Variants in FHIT observed in about 807,000 individuals in gnomAD.
FHIT encodes the protein fragile histidine triad diadenosine triphosphatase, also known as bis(5'-adenosyl)-triphosphatase.
In FHIT, 19 loss-of-function variants were observed where a neutral mutation model predicts 17.9. The observed-to-expected ratio is 1.06, with a 90% CI of 0.74 to 1.56. FHIT has a LOEUF of 1.56. FHIT is among the 40% of genes most tolerant of loss of function. The probability of loss-of-function intolerance (pLI) is 0.00; values close to 1 mark genes in which losing one functional copy is unlikely to be tolerated. For missense variants in FHIT, 248 were observed against 189.2 expected (o/e 1.31, Z -1.82); for synonymous variants, 81 against 69.7 (o/e 1.16, Z -0.81).
At chr3:59,821,700 C>G (rs527258404) in intron 8 of FHIT, among the ~76,000 whole-genome samples, 40 of 152,252 alleles carry the variant, frequency 2.6e-4, no homozygotes, top group African/African-American at 9.1e-4. Context: ...ACCAAAGCAT[C>G]TAGTGCCAAG....
At chr3:60,163,843 T>C (rs1345261938) in intron 5 of FHIT, among the ~76,000 whole-genome samples, 2 of 152,170 alleles carry the variant, frequency 1.3e-5, no homozygotes, top group Non-Finnish European at 2.9e-5. Flanking sequence ...AAATCACTCC[T>C]AGTTGGGAAA....
intron 1 of FHIT, among the ~76,000 whole-genome samples, chr3:61,245,625 T>C (rs985203155): frequency 6.6e-6 from 1 of 152,202 alleles, no homozygotes; most frequent in South Asian, 2.1e-4. Flanking sequence ...TACATGCTTA[T>C]CCCACATCAA....
At chr3:60,514,366 C>A (rs1318284847) in intron 5 of FHIT, among the ~76,000 whole-genome samples, 1 of 152,218 alleles carries the variant, frequency 6.6e-6, no homozygotes, top group Non-Finnish European at 1.5e-5. Flanking sequence ...CACTCCGGTT[C>A]CCACACCCGT....
At chr3:60,333,829 A>G (rs1364953711) in intron 5 of FHIT, among the ~76,000 whole-genome samples, 1 of 152,188 alleles carries the variant, frequency 6.6e-6, no homozygotes, top group Admixed American at 6.5e-5. Flanking sequence ...CAAGGAGCTG[A>G]AACTCACCAG....
intron 5 of FHIT, among the ~76,000 whole-genome samples, chr3:60,358,165 C>G (rs1699753342): frequency 6.6e-6 from 1 of 152,210 alleles, no homozygotes; most frequent in African/African-American, 2.4e-5. Flanking sequence ...GCTTGGTATT[C>G]TTCACTGCAC....
rs888623815 is a variant in FHIT at position 61,203,733 on chromosome 3, G to A, written c.-212-3068C>T. On this transcript the variant is annotated intron_variant, in intron 1 of 9. Transcript: ENST00000492590. The stretch of plus-strand genomic sequence containing the variant: ...TATCACAATCATATGGAATAAAGAA[G>A]GGGGTAATAAATTGTTTACAAGGAG... Among the ~76,000 whole-genome samples, 8 of 152,286 alleles carry A rather than the reference G, an allele frequency of 5.3e-5. No homozygotes were observed. In the East Asian group the frequency reaches 1.5e-3, roughly 29 times the overall value.
chr3:59,997,400 T>C (rs1699557947), intron 7 of FHIT, among the ~76,000 whole-genome samples: 1 of 151,906 alleles, frequency 6.6e-6, no homozygotes, highest in Admixed American at 6.6e-5. Context: ...TTCACAATAA[T>C]AAAAAGAAAG....
In FHIT at chr3:59,878,517, C is replaced by T. The variant is rs73100627; in HGVS notation, c.348+43829G>A. The stretch of plus-strand genomic sequence containing the variant: ...GTCAGAAGCCCATTTCTGACTCTCA[C>T]GCATTGTAAAGAAATGCTGACCCCA... On this transcript the variant is annotated intron_variant, in intron 8 of 9. Coordinates refer to ENST00000492590, the MANE Select transcript of FHIT (RefSeq NM_002012.4). Among the ~76,000 whole-genome samples the T allele has an allele frequency of 6.5e-3, 993 of 152,234 alleles. 12 individuals carry two copies. The highest frequency in any genetic ancestry group is 0.023 in the African/African-American group (962 of 41,524).
At chr3:59,752,104 G>A (rs1700942893) in intron 9 of FHIT, 117 bp downstream of exon 9, 1 of 668,184 alleles carries the variant, frequency 1.5e-6, no homozygotes, top group South Asian at 2.0e-5. Context: ...TTTGTCCTTT[G>A]CAGCCACCAC....
intron 5 of FHIT, among the ~76,000 whole-genome samples, chr3:60,128,438 G>C (rs1380896579): frequency 2.0e-5 from 3 of 152,098 alleles, no homozygotes; most frequent in Non-Finnish European, 4.4e-5. Flanking sequence ...AGTTTCCTGA[G>C]GCCTCTCCAG....
At chr3:60,499,258 C>T (rs1338859424) in intron 5 of FHIT, among the ~76,000 whole-genome samples, 1 of 152,172 alleles carries the variant, frequency 6.6e-6, no homozygotes, top group African/African-American at 2.4e-5. Context: ...TGTTTTCCTT[C>T]CTTCCACCCT....
intron 1 of FHIT, among the ~76,000 whole-genome samples, chr3:61,245,104 CTT>C (rs1276647545): frequency 6.6e-6 from 1 of 152,172 alleles, no homozygotes; most frequent in Non-Finnish European, 1.5e-5. Flanking sequence ...TCTAAGTCCT[CTT>C]AGTATTCAAA....
At chr3:60,264,747 A>C (rs213330) in intron 5 of FHIT, among the ~76,000 whole-genome samples, 1 of 151,818 alleles carries the variant, frequency 6.6e-6, no homozygotes, top group Non-Finnish European at 1.5e-5. Context: ...GTTCAAGTAC[A>C]TATCAATATA....
intron 5 of FHIT, among the ~76,000 whole-genome samples, chr3:60,056,215 C>T (rs1330531365): frequency 6.6e-6 from 1 of 152,156 alleles, no homozygotes; most frequent in African/African-American, 2.4e-5. Flanking sequence ...TTGGCTACAG[C>T]TCTTAAGAGA....
chr3:61,154,385 G>T (rs1269145318), intron 2 of FHIT, among the ~76,000 whole-genome samples: 1 of 151,806 alleles, frequency 6.6e-6, no homozygotes, highest in Non-Finnish European at 1.5e-5. Flanking sequence ...AGAACCTGCA[G>T]AATCAGAAAG....
chr3:60,168,606 G>C (rs1431003517), intron 5 of FHIT, among the ~76,000 whole-genome samples: 1 of 152,148 alleles, frequency 6.6e-6, no homozygotes, highest in Non-Finnish European at 1.5e-5. Context: ...AATTCATATG[G>C]GTTGAGATTA....
In FHIT at chr3:60,266,717, G is replaced by A. The variant is rs867472348; in HGVS notation, c.104-252565C>T. ...TGTTCCTGTAGAGAGTAAAATAGAG[G>A]GTCTCTGACATAGAGTACCCCAGCA... is the stretch of plus-strand genomic sequence containing the variant. On this transcript the variant is annotated intron_variant, in intron 5 of 9. Transcript: ENST00000492590. Among the ~76,000 whole-genome samples the A allele has an allele frequency of 3.3e-5, 5 of 151,934 alleles. No homozygotes were observed. The East Asian group carries it at 9.7e-4, about 29-fold the overall frequency.
chr3:60,462,490 G>C (rs1354726304), intron 5 of FHIT, among the ~76,000 whole-genome samples: 3 of 152,176 alleles, frequency 2.0e-5, no homozygotes, highest in East Asian at 1.9e-4. Context: ...GGTGTGAAAA[G>C]AATGTATAAT....
intron 5 of FHIT, among the ~76,000 whole-genome samples, chr3:60,028,841 G>T (rs1364699609): frequency 1.3e-5 from 2 of 152,136 alleles, no homozygotes; most frequent in Non-Finnish European, 2.9e-5. Context: ...ACCAGAGGAA[G>T]TGACATCAAA....
Sources: allele counts gnomAD v4.1 joint callset (sites outside exome capture counted in the v4.1 genomes callset), GRCh38; gene constraint gnomAD v4.1.1; transcripts MANE v1.5; gene names NCBI Gene and HGNC (gene_info 2026-07-23, HGNC 2026-07-21).